Variants in EIF4G3 observed in about 807,000 individuals in gnomAD.
EIF4G3 encodes eIF-4-gamma 3.
EIF4G3 carries 34 observed loss-of-function variants against 186.4 expected under a neutral mutation model. The ratio of observed to expected loss-of-function variants is 0.18; its 90% confidence interval spans 0.14 to 0.24. The LOEUF is 0.24. EIF4G3 is among the 10% of genes least tolerant of loss of function. EIF4G3 has a pLI of 1.00. For synonymous variants in EIF4G3, 673 were observed against 679.5 expected, an observed-to-expected ratio of 0.99 and a Z score of 0.15; for missense variants, 1,536 against 1,948.5, an observed-to-expected ratio of 0.79 and a Z score of 3.99.
At chr1:20,956,126 C>T (rs992008628) in intron 12 of EIF4G3, among the ~76,000 whole-genome samples, 3 of 152,132 alleles carry the variant, frequency 2.0e-5, no homozygotes, top group African/African-American at 7.2e-5. Flanking sequence ...GTAAGGACTA[C>T]AATAGGCATC....
At chr1:21,118,931 T>TAAAAAA (rs35040627) in intron 2 of EIF4G3, among the ~76,000 whole-genome samples, 4 of 86,168 alleles carry the variant, frequency 4.6e-5, no homozygotes, top group African/African-American at 1.4e-4. Flanking sequence ...CAAGCTCTAT[T>TAAAAAA]AAAAAAAAAA....
intron 4 of EIF4G3, among the ~76,000 whole-genome samples, chr1:21,039,796 T>TC (rs769887471): frequency 2.6e-5 from 4 of 151,970 alleles, no homozygotes; most frequent in Non-Finnish European, 5.9e-5. Flanking sequence ...TATAAAGAAC[T>TC]CCTACAACTC....
rs1208899595 is a variant in EIF4G3 at position 20,825,086 on chromosome 1, A to C, written c.4368+14T>G. On this transcript the variant is annotated intron_variant, in intron 33 of 36. Transcript: ENST00000602326. ...AACTACTATCAAACAGCAAAACATA[A>C]GCCTTGTTCTTACCTGCTCCAAAAG... 6.4e-7 allele frequency: 1 copy of C among 1,560,860 alleles called. No homozygotes were observed. The highest frequency in any genetic ancestry group is 8.8e-7 in the Non-Finnish European group (1 of 1,141,168).
intron 2 of EIF4G3, among the ~76,000 whole-genome samples, chr1:21,171,552 G>A (rs1256200872): frequency 6.6e-6 from 1 of 152,142 alleles, no homozygotes; most frequent in African/African-American, 2.4e-5. Context: ...CTTTGCCTCT[G>A]CCTCTGCCCC....
chr1:21,157,680 A>G (rs957933517), intron 2 of EIF4G3, among the ~76,000 whole-genome samples: 1 of 152,166 alleles, frequency 6.6e-6, no homozygotes, highest in Non-Finnish European at 1.5e-5. Flanking sequence ...ACAGACATAC[A>G]ATGTTACTTA....
At chr1:20,903,474 C>T (rs1434330917) in intron 15 of EIF4G3, among the ~76,000 whole-genome samples, 1 of 152,162 alleles carries the variant, frequency 6.6e-6, no homozygotes, top group Non-Finnish European at 1.5e-5. Flanking sequence ...GTTAATGAAG[C>T]TCTTAACAGC....
chr1:20,973,420 C>T (rs536053513), intron 10 of EIF4G3, among the ~76,000 whole-genome samples: 1 of 152,278 alleles, frequency 6.6e-6, no homozygotes, highest in East Asian at 1.9e-4. Context: ...AAATATTATT[C>T]TGAGGCTTAC....
intron 29 of EIF4G3, among the ~76,000 whole-genome samples, chr1:20,844,366 T>C (rs954382602): frequency 5.3e-5 from 8 of 152,224 alleles, no homozygotes; most frequent in Admixed American, 2.0e-4. Flanking sequence ...TGGTATCTCA[T>C]TGTGGTTTTG....
At chr1:21,069,452 G>A (rs1372355104) in intron 3 of EIF4G3, among the ~76,000 whole-genome samples, 3 of 152,116 alleles carry the variant, frequency 2.0e-5, no homozygotes, top group Admixed American at 6.6e-5. Flanking sequence ...TAAAGACAAG[G>A]ATCATAGTGT....
intron 29 of EIF4G3, among the ~76,000 whole-genome samples, chr1:20,842,844 GT>G (rs58817719): frequency 0.011 from 1,567 of 138,382 alleles, 21 homozygotes; most frequent in African/African-American, 0.037. Context: ...GGGTCTTTTA[GT>G]TTTTTTTTTT....
At chr1:20,965,844 T>G (rs1408210606) in intron 12 of EIF4G3, among the ~76,000 whole-genome samples, 1 of 152,222 alleles carries the variant, frequency 6.6e-6, no homozygotes, top group Non-Finnish European at 1.5e-5. Flanking sequence ...TTTTGTCTCA[T>G]TTAATCCTCT....
intron 3 of EIF4G3, among the ~76,000 whole-genome samples, chr1:21,068,688 A>G (rs1278229661): frequency 6.6e-6 from 1 of 152,182 alleles, no homozygotes; most frequent in Non-Finnish European, 1.5e-5. Context: ...ATGTAATTAT[A>G]CCTACCTCAT....
At chr1:20,847,877 G>A in intron 29 of EIF4G3, 1 of 470,280 alleles carries the variant, frequency 2.1e-6, no homozygotes, top group Non-Finnish European at 4.4e-6. Flanking sequence ...AGGCTTGAAG[G>A]CTTTAGAAGA....
intron 25 of EIF4G3, 105 bp from the exon 26 acceptor site, chr1:20,855,176 A>G: frequency 1.2e-6 from 1 of 859,494 alleles, no homozygotes; most frequent in Non-Finnish European, 1.7e-6. Flanking sequence ...TTTAGCAACA[A>G]AAATTTGTTT....
intron 14 of EIF4G3, among the ~76,000 whole-genome samples, chr1:20,911,146 C>T (rs1399813774): frequency 2.0e-5 from 3 of 152,094 alleles, no homozygotes; most frequent in Non-Finnish European, 4.4e-5. Context: ...TTACTGGGCA[C>T]ATTACAATTT....
rs61253859 is a variant in EIF4G3, at chr1:20,984,559, TACAC to T, written c.178-2155_178-2152del. On this transcript the variant is annotated intron_variant, in intron 7 of 36. Transcript: ENST00000602326. Reference sequence around the variant, plus strand: ...AACCTAAGCATTATATATATATATATACACACACACACACACACACACACATATA... The same window carrying T: ...AACCTAAGCATTATATATATATATATACACACACACACACACACACATATA... Among the ~76,000 whole-genome samples, 1,117 of 142,066 alleles carry T rather than the reference TACAC, an allele frequency of 7.9e-3. 7 individuals are homozygous for T. The highest frequency in any genetic ancestry group is 0.027 in the East Asian group (125 of 4,712). The allele number at this position is 142,066 out of a possible 152,430, so 93.2% of individuals were successfully genotyped here. A position where few individuals can be genotyped will look rare whatever the true frequency, so the allele number is the denominator to read the frequency against.
intron 2 of EIF4G3, among the ~76,000 whole-genome samples, chr1:21,107,386 G>A (rs1410801512): frequency 6.6e-6 from 1 of 151,828 alleles, no homozygotes; most frequent in African/African-American, 2.4e-5. Flanking sequence ...TGGCCAGGCT[G>A]GTCTCAAACT....
At chr1:21,087,318 A>G (rs986085644) in intron 3 of EIF4G3, among the ~76,000 whole-genome samples, 11 of 152,198 alleles carry the variant, frequency 7.2e-5, no homozygotes, top group African/African-American at 2.4e-4. Flanking sequence ...TTCATCCTCT[A>G]ACTTTTAAAT....
At chr1:21,009,980 A>T (rs1324611581) in intron 4 of EIF4G3, among the ~76,000 whole-genome samples, 1 of 152,144 alleles carries the variant, frequency 6.6e-6, no homozygotes, top group Non-Finnish European at 1.5e-5. Context: ...GTGCTACACA[A>T]CCAATGCAAA....
Sources: gnomAD v4.1 joint callset for allele counts (sites outside exome capture counted in the v4.1 genomes callset) on GRCh38, gnomAD v4.1.1 for gene constraint, MANE v1.5 for transcripts, NCBI Gene and HGNC (gene_info 2026-07-23, HGNC 2026-07-21) for gene names.